The following ANGPTL5 variants were observed in gnomAD, a reference collection of about 807,000 sequenced individuals.
ANGPTL5 encodes angiopoietin like 5.
A neutral mutation model predicts 39.4 loss-of-function variants in ANGPTL5; 34 were observed. That is an observed-to-expected ratio of 0.86 (90% CI 0.66 to 1.15). ANGPTL5 has a LOEUF of 1.15. Among genes scored for constraint, ANGPTL5 ranks in the 50% most tolerant of loss-of-function variants. The pLI is 0.00. For missense variants in ANGPTL5, 467 were observed against 457.5 expected (o/e 1.02, Z -0.19); for synonymous variants, 146 against 152.1 (o/e 0.96, Z 0.29).
At position 101,904,842 on chromosome 11, in the gene ANGPTL5, A is replaced by G. The variant is rs1939969697; in HGVS notation, c.411T>C (p.Pro137=). The part of the protein sequence containing the change: ...TTEVFRKQLD[P]FPHRPVQSHG... The stretch of plus-strand genomic sequence containing the variant: ...GTGACTGAACAGGTCTGTGAGGAAA[A>G]GGATCCAGCTGTTTTCTAAAAACTT... Residue 137 remains proline (P), a synonymous_variant, in exon 5 of 9, where the codon CCT becomes CCC. Coordinates refer to ENST00000334289, the MANE Select transcript of ANGPTL5 (RefSeq NM_178127.5). 6.2e-7 allele frequency: 1 copy of G among 1,613,464 alleles called. No homozygotes were observed. Among genetic ancestry groups the G allele is most frequent in the Admixed American group, 1.7e-5 (1 of 60,006 alleles).
chr11:101,904,648 G>A (rs939641222), intron 5 of ANGPTL5, among the ~76,000 whole-genome samples, 166 bp downstream of exon 5: 4 of 152,208 alleles, frequency 2.6e-5, no homozygotes, highest in Non-Finnish European at 5.9e-5. Context: ...GAAAGTACAC[G>A]TTGTCTATGG....
intron 1 of ANGPTL5, among the ~76,000 whole-genome samples, chr11:101,910,406 G>A (rs1226460319): frequency 7.6e-5 from 7 of 91,586 alleles, no homozygotes; most frequent in East Asian, 3.1e-4. Context: ...GCAAAACTCC[G>A]TCTCAAAAAA....
At chr11:101,896,238 A>C (rs779830968) in intron 7 of ANGPTL5, among the ~76,000 whole-genome samples, 10 of 151,598 alleles carry the variant, frequency 6.6e-5, no homozygotes, top group Non-Finnish European at 2.9e-5. Flanking sequence ...GCTACGGTGC[A>C]GTAGTGCGAT....
At chr11:101,914,849 A>C (rs1940161918) in intron 1 of ANGPTL5, among the ~76,000 whole-genome samples, 2 of 152,000 alleles carry the variant, frequency 1.3e-5, no homozygotes, top group Admixed American at 1.3e-4. Context: ...CTAAAACAAC[A>C]CTCAGCTCAC....
Position 101,891,100 on chromosome 11 carries a change from C to A in ANGPTL5, c.*179G>T. The A allele has an allele frequency of 1.9e-6, 1 of 533,840 alleles. No individual in the cohort carries two copies. The allele number at this position is 533,840 out of a possible 1,614,324, so 33.1% of individuals were successfully genotyped here. On this transcript the variant is annotated 3_prime_UTR_variant, in exon 9 of 9. Transcript: ENST00000334289. The stretch of plus-strand genomic sequence containing the variant: ...TCAGAAGTAAAAACATACAATAAGC[C>A]ATGTTTTCTTTTATAGAATACTACA...
At chr11:101,902,899 GA>G (rs1179545255) in intron 5 of ANGPTL5, among the ~76,000 whole-genome samples, 178 bp from the exon 6 acceptor site, 1 of 152,044 alleles carries the variant, frequency 6.6e-6, no homozygotes, top group Non-Finnish European at 1.5e-5. Context: ...AGGGATTAAA[GA>G]ATTTATGCTG....
intron 1 of ANGPTL5, among the ~76,000 whole-genome samples, chr11:101,910,422 A>ATATAT (rs1555048783): frequency 2.2e-4 from 28 of 128,356 alleles, no homozygotes; most frequent in South Asian, 7.9e-4. Flanking sequence ...AAAAAAAAAA[A>ATATAT]AAATATATAT....
chr11:101,902,807 T>C, intron 5 of ANGPTL5, 86 bp from the exon 6 acceptor site: 1 of 775,810 alleles, frequency 1.3e-6, no homozygotes, highest in Non-Finnish European at 2.1e-6. Context: ...ATAGTGCTAT[T>C]ATCATAATTT....
chr11:101,906,888 G>A (rs1940006015), intron 3 of ANGPTL5, among the ~76,000 whole-genome samples: 1 of 151,946 alleles, frequency 6.6e-6, no homozygotes, highest in African/African-American at 2.4e-5. Context: ...AGACCCTTTT[G>A]TTGCACACAG....
At position 101,891,556 on chromosome 11, in the gene ANGPTL5, G is replaced by A; in HGVS notation, c.890C>T (p.Ala297Val). The A allele has an allele frequency of 1.9e-6, 3 of 1,613,954 alleles. No individual in the cohort carries two copies. Among genetic ancestry groups the A allele is most frequent in the Non-Finnish European group, 2.5e-6 (3 of 1,179,936 alleles). ...AACATCTGATGTGCTAAAAGGCATTGCATTTTGATTATCTTCTTTTTTGAG... is the reference window on the plus strand; with the variant it reads ...AACATCTGATGTGCTAAAAGGCATTACATTTTGATTATCTTCTTTTTTGAG... ...RGLKKEDNQNAMPFSTSDVDN... is the reference protein window; with the variant it reads ...RGLKKEDNQNVMPFSTSDVDN... The change falls in exon 9 of 9, where the codon GCA becomes GTA. Residue 297 changes from alanine to valine, a missense_variant. Physicochemically the swap from Ala to Val is moderately conservative, Grantham distance 64. Coordinates refer to ENST00000334289, the MANE Select transcript of ANGPTL5 (RefSeq NM_178127.5).
chr11:101,911,123 TTTTTTTTTTTTTTTTTTTG>T (rs2137066982), intron 1 of ANGPTL5, among the ~76,000 whole-genome samples: 4 of 89,328 alleles, frequency 4.5e-5, no homozygotes, highest in South Asian at 4.3e-4. Flanking sequence ...TTTTTTTTTT[TTTTTTTTTTTTTTTTTTTG>T]AGACAGAGCC....
At chr11:101,902,565 G>T in intron 6 of ANGPTL5, 56 bp downstream of exon 6, 1 of 1,226,344 alleles carries the variant, frequency 8.2e-7, no homozygotes, top group Non-Finnish European at 1.2e-6. Context: ...AATTAAATTG[G>T]TTGGATGTTT....
At chr11:101,903,075 T>C (rs1939934715) in intron 5 of ANGPTL5, among the ~76,000 whole-genome samples, 1 of 152,122 alleles carries the variant, frequency 6.6e-6, no homozygotes, top group African/African-American at 2.4e-5. Context: ...GAGAATGTAA[T>C]GTGTAAAGGA....
rs760515965 is a variant in ANGPTL5 at position 101,906,444 on chromosome 11, G to A, written c.242-597C>T. On this transcript the variant is annotated intron_variant, in intron 3 of 8. Coordinates refer to ENST00000334289, the MANE Select transcript of ANGPTL5 (RefSeq NM_178127.5). ...AGAAAATTTCTTATAGCGAAGTTGC[G>A]ATAACAGTACAAATAACTTTTTCCT... 3.9e-5 allele frequency among the ~76,000 whole-genome samples: 6 copies of A among 152,044 alleles called. 1 individual carries two copies. The highest frequency in any genetic ancestry group is 3.9e-4 in the East Asian group (2 of 5,182).
intron 3 of ANGPTL5, among the ~76,000 whole-genome samples, chr11:101,906,569 G>C (rs1372356347): frequency 1.3e-5 from 2 of 152,014 alleles, no homozygotes; most frequent in Non-Finnish European, 2.9e-5. Context: ...CCAAAATTAG[G>C]AAATAAACAT....
At chr11:101,897,761 T>C (rs1939825996) in intron 7 of ANGPTL5, among the ~76,000 whole-genome samples, 1 of 152,214 alleles carries the variant, frequency 6.6e-6, no homozygotes. Context: ...ACTGTAGCCT[T>C]GTAGTATAGT....
At chr11:101,897,609 G>A (rs1384973225) in intron 7 of ANGPTL5, among the ~76,000 whole-genome samples, 1 of 152,174 alleles carries the variant, frequency 6.6e-6, no homozygotes, top group Non-Finnish European at 1.5e-5. Flanking sequence ...TTATTAAAAA[G>A]GGAATCCTTT....
chr11:101,908,962 A>G (rs1189267200), intron 1 of ANGPTL5, among the ~76,000 whole-genome samples: 1 of 152,046 alleles, frequency 6.6e-6, no homozygotes, highest in Non-Finnish European at 1.5e-5. Flanking sequence ...TTCCCTTTCA[A>G]TGTCTCCTTC....
At chr11:101,915,027 C>T in intron 1 of ANGPTL5, 2 of 428,696 alleles carry the variant, frequency 4.7e-6, no homozygotes, top group Non-Finnish European at 8.3e-6. Context: ...CGGTTGTTGT[C>T]AAGATGGCGG....
Sources: allele counts gnomAD v4.1 joint callset (sites outside exome capture counted in the v4.1 genomes callset), GRCh38; gene constraint gnomAD v4.1.1; transcripts MANE v1.5; gene names NCBI Gene and HGNC (gene_info 2026-07-23, HGNC 2026-07-21).